HAUS5: variants seen among roughly 807,000 people sequenced by gnomAD.
HAUS5 encodes the protein HAUS augmin-like complex subunit 5.
In HAUS5, 67 loss-of-function variants were observed where a neutral mutation model predicts 94.1. The ratio of observed to expected loss-of-function variants is 0.71; its 90% CI spans 0.58 to 0.87. HAUS5 has a LOEUF of 0.87. Ranked by LOEUF, HAUS5 falls within the 40% of genes least tolerant of loss-of-function variation. HAUS5 has a pLI of 0.00. For synonymous variants in HAUS5, 339 were observed against 355.4 expected, an observed-to-expected ratio of 0.95 and a Z score of 0.52; for missense variants, 739 against 825.6, an observed-to-expected ratio of 0.90 and a Z score of 1.29.
At chr19:35,619,086 AG>A (rs753482878) in intron 13 of HAUS5, 37 bp downstream of exon 13, 2 of 1,521,528 alleles carry the variant, frequency 1.3e-6, no homozygotes, top group Non-Finnish European at 1.8e-6. Flanking sequence ...GGAGGGCCAG[AG>A]GGGAGGCTTG....
chr19:35,623,216 C>T lies in HAUS5; in HGVS notation c.*223C>T, dbSNP rs1967245763. 1.8e-6 allele frequency: 1 copy of T among 543,538 alleles called. No homozygotes were observed. Among genetic ancestry groups the T allele is most frequent in the African/African-American group, 1.9e-5 (1 of 52,624 alleles). The allele number at this position is 543,538 out of a possible 1,614,324, so 33.7% of individuals were successfully genotyped here. A position where few individuals can be genotyped will look rare whatever the true frequency, so the allele number is the denominator to read the frequency against. On this transcript the variant is annotated 3_prime_UTR_variant, in exon 19 of 19. Coordinates refer to ENST00000203166, the MANE Select transcript of HAUS5 (RefSeq NM_015302.2). ...AAAACCCCTTCATCACTTTCATTCT[C>T]AGCAAAAAGTAATTGAGCACCTCCT...
In HAUS5 at chr19:35,623,624, C is replaced by A. The variant is rs1408060425; in HGVS notation, c.*631C>A. The A allele has an allele frequency of 6.6e-6, 1 of 152,210 alleles. No individual in the cohort carries two copies. Among genetic ancestry groups the A allele is most frequent in the Non-Finnish European group, 1.5e-5 (1 of 68,070 alleles). The allele number at this position is 152,210 out of a possible 1,614,324, so 9.4% of individuals were successfully genotyped here. On this transcript the variant is annotated 3_prime_UTR_variant, in exon 19 of 19. Coordinates refer to ENST00000203166, the MANE Select transcript of HAUS5 (RefSeq NM_015302.2). ...GATTGCCTTCTAGTTTGTATAGTTTCTTTTTTTACATGTAAATCAGCCATT... is the reference window on the plus strand; with the variant it reads ...GATTGCCTTCTAGTTTGTATAGTTTATTTTTTTACATGTAAATCAGCCATT...
At position 35,619,481 on chromosome 19, in the gene HAUS5, C is replaced by T. The variant is rs200785201; in HGVS notation, c.1237C>T (p.Arg413Cys). The change falls in exon 14 of 19, where the codon CGC becomes TGC. Residue 413 changes from arginine (R) to cysteine (C), a missense_variant. Arg to Cys is a radical substitution (Grantham distance 180, BLOSUM62 -3). Coordinates refer to ENST00000203166, the MANE Select transcript of HAUS5 (RefSeq NM_015302.2). ...CAAGGGAAACTCGGCCAGCAAGACCCGCCTGTGCCGGAGCCCGGGGGAGGT... is the reference window on the plus strand; with the variant it reads ...CAAGGGAAACTCGGCCAGCAAGACCTGCCTGTGCCGGAGCCCGGGGGAGGT... ...LIKGNSASKT[R>C]LCRSPGEVLA... is the part of the protein sequence containing the mutation. 1.8e-4 allele frequency: 290 copies of T among 1,610,008 alleles called. 1 individual carries two copies. The African/African-American group carries it at 2.6e-3, about 14-fold the overall frequency.
intron 10 of HAUS5, 57 bp from the exon 11 acceptor site, chr19:35,618,345 C>G (rs1056539694): frequency 3.0e-5 from 49 of 1,608,630 alleles, no homozygotes; most frequent in Middle Eastern, 1.9e-4. Flanking sequence ...TGTCCACCCT[C>G]GAGTACCAAG....
chr19:35,616,973 G>T (rs1429238620), intron 6 of HAUS5, 151 bp from the exon 7 acceptor site: 2 of 638,476 alleles, frequency 3.1e-6, no homozygotes, highest in Non-Finnish European at 5.6e-6. Context: ...CAATATTCCA[G>T]CTGGGAGGTG....
At position 35,619,681 on chromosome 19, in the gene HAUS5, G is replaced by A. The variant is rs771413344; in HGVS notation, c.1329G>A (p.Leu443=). The change falls in exon 15 of 19, where the codon CTG becomes CTA. Residue 443 remains leucine (L), a synonymous_variant. Transcript: ENST00000203166. ...FEAVAPQSRE[L]LRCLEEEVRH... ...CAGTGGCACCACAGAGCCGGGAGCT[G>A]CTGCGCTGTCTGGAGGAGGAAGTCC... is the stretch of plus-strand genomic sequence containing the variant. 2.4e-5 allele frequency: 38 copies of A among 1,585,020 alleles called. No individual in the cohort carries two copies. In the South Asian group the frequency reaches 3.6e-4, roughly 15 times the overall value.
chr19:35,622,895 G>A lies in HAUS5; in HGVS notation c.1804G>A (p.Ala602Thr), dbSNP rs751360149. ...CCCCAGGTGGGAGCAGCCAGGCCAG[G>A]CCGCCCTCTCTGAGGAGCTCTGCCA... ...VGDWWEQPGQ[A>T]ALSEELCQGL... The change falls in exon 19 of 19, where the codon GCC becomes ACC. Residue 602 changes from alanine (A) to threonine (T), a missense_variant. Physicochemically the swap from Ala to Thr is moderately conservative, Grantham distance 58 (BLOSUM62 0). Transcript: ENST00000203166. The A allele has an allele frequency of 3.7e-6, 6 of 1,614,078 alleles. No individual in the cohort carries two copies. Among genetic ancestry groups the A allele is most frequent in the Non-Finnish European group, 5.1e-6 (6 of 1,179,982 alleles).
At chr19:35,621,697 T>A (rs895581755) in intron 17 of HAUS5, among the ~76,000 whole-genome samples, 2 of 152,116 alleles carry the variant, frequency 1.3e-5, no homozygotes, top group African/African-American at 4.8e-5. Flanking sequence ...TCCATCACCC[T>A]AATCCCCCCA....
rs1325097402 is a variant in HAUS5 at position 35,617,336 on chromosome 19, T to A, written c.605T>A (p.Leu202His). Residue 202 changes from leucine (L) to histidine (H), a missense_variant, in exon 8 of 19, where the codon CTC becomes CAC. Transcript: ENST00000203166. ...CTLRAQFLQN[L>H]LLPQAKRGSL... ...CTCCGGGCCCAGTTCCTGCAGAACC[T>A]CCTGCTTCCCCAGGCCAAGAGGGGC... 1.9e-6 allele frequency: 3 copies of A among 1,613,946 alleles called. No individual in the cohort carries two copies. The highest frequency in any genetic ancestry group is 4.5e-5 in the East Asian group (2 of 44,880).
In HAUS5 at chr19:35,624,097, C is replaced by CTTTTTTTTTT. The variant is rs1486200504; in HGVS notation, c.*1108_*1109insTTTTTTTTTT. The CTTTTTTTTTT allele has an allele frequency of 3.5e-5, 3 of 86,334 alleles. No individual in the cohort carries two copies. The highest frequency in any genetic ancestry group is 1.4e-4 in the African/African-American group (3 of 21,852). 5.3% of individuals were successfully genotyped at this position (86,334 alleles called of 1,614,324 possible). On this transcript the variant is annotated 3_prime_UTR_variant, in exon 19 of 19. Transcript: ENST00000203166. ...ACATTGTCATATCTGTTCTTGTTTT[C>CTTTTTTTTTT]TTTTGTTTTTTTTTTTTTTTTTTTT...
At chr19:35,621,724 CCT>C in intron 17 of HAUS5, among the ~76,000 whole-genome samples, 1 of 152,296 alleles carries the variant, frequency 6.6e-6, no homozygotes, top group Non-Finnish European at 1.5e-5. Context: ...CCAGCTTCAG[CCT>C]CTCAGCAAGC....
chr19:35,618,274 A>G lies in HAUS5; in HGVS notation c.821+79A>G. The G allele has an allele frequency of 3.7e-6, 6 of 1,600,864 alleles. No homozygotes were observed. The South Asian group carries it at 6.7e-5, about 18-fold the overall frequency. ...GGGACAGCCTCAGGACCCCTGGCCC[A>G]GCCACCTGCTGATGGGGTAGAACTG... is the stretch of plus-strand genomic sequence containing the variant. On this transcript the variant is annotated intron_variant, in intron 10 of 18. Coordinates refer to ENST00000203166, the MANE Select transcript of HAUS5 (RefSeq NM_015302.2).
intron 10 of HAUS5, 58 bp downstream of exon 10, chr19:35,618,253 C>T: frequency 1.3e-6 from 2 of 1,597,572 alleles, no homozygotes; most frequent in Non-Finnish European, 1.7e-6. Context: ...TGAGCTGGGA[C>T]AGCCTCAGGA....
chr19:35,620,880 T>G (rs1255722135), intron 17 of HAUS5, among the ~76,000 whole-genome samples: 3 of 152,196 alleles, frequency 2.0e-5, no homozygotes, highest in Admixed American at 1.3e-4. Context: ...TTAGCATCAT[T>G]GTCTGTGTAC....
At chr19:35,613,582 A>G in intron 1 of HAUS5, 148 bp from the exon 2 acceptor site, 1 of 622,244 alleles carries the variant, frequency 1.6e-6, no homozygotes, top group Non-Finnish European at 2.8e-6. Flanking sequence ...AAAAAAAAAA[A>G]AAAAAAAAGG....
In HAUS5 at chr19:35,615,098, G is replaced by A. The variant is rs1207646346; in HGVS notation, c.276G>A (p.Gln92=). 6.2e-7 allele frequency: 1 copy of A among 1,608,394 alleles called. No individual in the cohort carries two copies. Among genetic ancestry groups the A allele is most frequent in the Non-Finnish European group, 8.5e-7 (1 of 1,177,390 alleles). The change falls in exon 5 of 19, where the codon CAG becomes CAA. Residue 92 remains glutamine (Q), a synonymous_variant. Transcript: ENST00000203166. The part of the protein sequence containing the change: ...AAVTRLRAEI[Q]ELDQSLELME... ...TGACCCGCCTGCGGGCAGAAATCCAGGAACTCGACCAGAGCCTGGAGCTGA... is the reference window on the plus strand; with the variant it reads ...TGACCCGCCTGCGGGCAGAAATCCAAGAACTCGACCAGAGCCTGGAGCTGA...
Position 35,625,319 on chromosome 19 carries a change from A to C in HAUS5, c.*2326A>C, listed in dbSNP as rs148046601. On this transcript the variant is annotated 3_prime_UTR_variant, in exon 19 of 19. Coordinates refer to ENST00000203166, the MANE Select transcript of HAUS5 (RefSeq NM_015302.2). ...GTAGTCTTTCACATGAATTGGAAATATCAGAATAAAGTCATGATTTTTCTC... is the reference window on the plus strand; with the variant it reads ...GTAGTCTTTCACATGAATTGGAAATCTCAGAATAAAGTCATGATTTTTCTC... 25 of 152,354 alleles carry C rather than the reference A, an allele frequency of 1.6e-4. No individual in the cohort carries two copies. The highest frequency in any genetic ancestry group is 6.0e-4 in the African/African-American group (25 of 41,598). The allele number at this position is 152,354 out of a possible 1,614,324, so 9.4% of individuals were successfully genotyped here.
chr19:35,617,033 C>A (rs1346225029), intron 6 of HAUS5, 91 bp from the exon 7 acceptor site: 3 of 1,070,330 alleles, frequency 2.8e-6, no homozygotes, highest in Non-Finnish European at 4.3e-6. Flanking sequence ...TTAGTGATTC[C>A]TCTGACCGGC....
At position 35,618,998 on chromosome 19, in the gene HAUS5, G is replaced by A; in HGVS notation, c.1128G>A (p.Leu376=). ...CAGCTGGGCATCGGCAGCTCCTGCT[G>A]AGGGAGCTACAGGCCAAACAGCAGC... ...QDAAGHRQLL[L]RELQAKQQRI... is the part of the protein sequence containing the mutation. Residue 376 remains leucine (L), a synonymous_variant, in exon 13 of 19, where the codon CTG becomes CTA. Coordinates refer to ENST00000203166, the MANE Select transcript of HAUS5 (RefSeq NM_015302.2). 1 of 1,612,454 alleles carries A rather than the reference G, an allele frequency of 6.2e-7. No homozygotes were observed. Among genetic ancestry groups the A allele is most frequent in the African/African-American group, 1.3e-5 (1 of 75,026 alleles).
Sources: allele counts gnomAD v4.1 joint callset (sites outside exome capture counted in the v4.1 genomes callset), GRCh38; gene constraint gnomAD v4.1.1; transcripts MANE v1.5; gene names NCBI Gene and HGNC (gene_info 2026-07-23, HGNC 2026-07-21).